PIK3CB: variants seen among roughly 807,000 people sequenced by gnomAD.
The protein encoded by PIK3CB is phosphatidylinositol 4,5-bisphosphate 3-kinase catalytic subunit beta isoform.
In PIK3CB, 39 loss-of-function variants were observed where a neutral mutation model predicts 136.8. The ratio of observed to expected loss-of-function variants is 0.29; its 90% CI spans 0.22 to 0.37. The LOEUF (loss-of-function observed/expected upper bound fraction) is 0.37, where lower values mean the gene tolerates loss of function less well. PIK3CB is among the 10% of genes least tolerant of loss of function. PIK3CB has a pLI of 1.00. For synonymous variants in PIK3CB, 428 were observed against 436.6 expected, an observed-to-expected ratio of 0.98 and a Z score of 0.25; for missense variants, 868 against 1,275.4, an observed-to-expected ratio of 0.68 and a Z score of 4.87.
intron 2 of PIK3CB, among the ~76,000 whole-genome samples, chr3:138,769,880 T>C (rs888540100): frequency 1.2e-4 from 18 of 152,172 alleles, no homozygotes; most frequent in African/African-American, 3.9e-4. Context: ...ACCCTACCCA[T>C]TTTAAAGATA....
chr3:138,758,712 G>GA (rs1182452596), intron 3 of PIK3CB, among the ~76,000 whole-genome samples: 2 of 152,088 alleles, frequency 1.3e-5, no homozygotes, highest in Non-Finnish European at 2.9e-5. Context: ...ACATTAGAAA[G>GA]AAAGTTTAGA....
At chr3:138,690,441 C>A (rs2043983938) in intron 15 of PIK3CB, among the ~76,000 whole-genome samples, 1 of 151,780 alleles carries the variant, frequency 6.6e-6, no homozygotes. Flanking sequence ...AACTTTAGTT[C>A]TCATTCCTGA....
intron 7 of PIK3CB, 21 bp from the exon 8 acceptor site, chr3:138,733,459 TACAAA>T: frequency 5.0e-6 from 6 of 1,199,284 alleles, no homozygotes; most frequent in Non-Finnish European, 7.3e-6. Context: ...ATAAAATAAA[TACAAA>T]TTATTTTAAT....
chr3:138,790,097 A>T (rs1364163108), intron 2 of PIK3CB, among the ~76,000 whole-genome samples: 1 of 152,222 alleles, frequency 6.6e-6, no homozygotes, highest in Non-Finnish European at 1.5e-5. Flanking sequence ...CAAATATTGT[A>T]TGATTCCAAT....
At chr3:138,695,682 C>T (rs778156312) in intron 13 of PIK3CB, among the ~76,000 whole-genome samples, 73 of 151,854 alleles carry the variant, frequency 4.8e-4, no homozygotes, top group African/African-American at 1.1e-3. Flanking sequence ...AATATTTTTG[C>T]GAAAACAATA....
intron 8 of PIK3CB, among the ~76,000 whole-genome samples, chr3:138,726,886 CA>C (rs35003110): frequency 0.59 from 82,174 of 139,292 alleles, 23,574 homozygotes; most frequent in East Asian, 0.98. Flanking sequence ...TATAAAAAGT[CA>C]AAAAAAAAAA....
At chr3:138,696,605 T>C (rs887103951) in intron 13 of PIK3CB, among the ~76,000 whole-genome samples, 3 of 152,304 alleles carry the variant, frequency 2.0e-5, no homozygotes, top group Middle Eastern at 3.4e-3. Context: ...AGATGTACCA[T>C]GTATCTACGG....
chr3:138,736,105 G>A (rs983822236), intron 6 of PIK3CB, among the ~76,000 whole-genome samples: 2 of 152,116 alleles, frequency 1.3e-5, no homozygotes, highest in African/African-American at 2.4e-5. Flanking sequence ...AAAAAGAAAT[G>A]TTAAATTAAA....
intron 1 of PIK3CB, among the ~76,000 whole-genome samples, chr3:138,800,238 A>G (rs1559883471): frequency 6.6e-6 from 1 of 152,160 alleles, no homozygotes; most frequent in Non-Finnish European, 1.5e-5. Context: ...TATCATCTTT[A>G]TAACATTTAT....
At chr3:138,786,879 AAC>A (rs2045986893) in intron 2 of PIK3CB, among the ~76,000 whole-genome samples, 1 of 152,196 alleles carries the variant, frequency 6.6e-6, no homozygotes, top group African/African-American at 2.4e-5. Flanking sequence ...CAGCAAAGAA[AAC>A]AGTTTTGAAA....
intron 2 of PIK3CB, among the ~76,000 whole-genome samples, chr3:138,771,216 AT>A (rs1470388535): frequency 1.3e-4 from 17 of 133,040 alleles, no homozygotes; most frequent in Admixed American, 1.2e-3. Flanking sequence ...ATAGAACTTC[AT>A]TTTGCCTTTT....
chr3:138,701,508 C>T (rs572842705), intron 12 of PIK3CB, among the ~76,000 whole-genome samples: 7 of 152,014 alleles, frequency 4.6e-5, no homozygotes, highest in East Asian at 1.9e-4. Context: ...ATGATGTGGC[C>T]GGGCGTGGTG....
intron 19 of PIK3CB, 119 bp from the exon 20 acceptor site, chr3:138,665,322 C>T: frequency 4.6e-6 from 3 of 647,172 alleles, no homozygotes; most frequent in Non-Finnish European, 7.3e-6. Flanking sequence ...CTTGCCATTA[C>T]TATATTATTG....
intron 13 of PIK3CB, among the ~76,000 whole-genome samples, 194 bp downstream of exon 13, chr3:138,698,713 C>T (rs1375472646): frequency 6.6e-6 from 1 of 152,140 alleles, no homozygotes; most frequent in East Asian, 1.9e-4. Flanking sequence ...GGCAATCCTA[C>T]CCAAAATCTG....
At chr3:138,805,011 C>A (rs759367808) in intron 1 of PIK3CB, among the ~76,000 whole-genome samples, 65 of 149,894 alleles carry the variant, frequency 4.3e-4, no homozygotes, top group Non-Finnish European at 8.3e-4. Context: ...GGTGACACAG[C>A]GAGACTCCAT....
chr3:138,673,208 T>G (rs1180081450), intron 19 of PIK3CB, among the ~76,000 whole-genome samples: 1 of 151,942 alleles, frequency 6.6e-6, no homozygotes, highest in Non-Finnish European at 1.5e-5. Flanking sequence ...ATAAATCTAC[T>G]AGAGCTGCAG....
At chr3:138,754,811 G>C (rs1194447929) in intron 4 of PIK3CB, among the ~76,000 whole-genome samples, 3 of 152,134 alleles carry the variant, frequency 2.0e-5, no homozygotes, top group Non-Finnish European at 4.4e-5. Flanking sequence ...TCCTATAACA[G>C]TGAATCTGAT....
At chr3:138,657,608 T>C (rs1479588814) in intron 22 of PIK3CB, 82 bp downstream of exon 22, 3 of 1,215,846 alleles carry the variant, frequency 2.5e-6, no homozygotes, top group African/African-American at 1.5e-5. Flanking sequence ...TCCAAATATA[T>C]CTCAGCTAAG....
At chr3:138,700,692 A>AAGATAGATAGATAGAT (rs56054471) in intron 12 of PIK3CB, among the ~76,000 whole-genome samples, 5 of 143,876 alleles carry the variant, frequency 3.5e-5, no homozygotes, top group East Asian at 2.1e-4. Context: ...TGACTCTAAA[A>AAGATAGATAGATAGAT]AGATAGATAG....
Sources: gnomAD v4.1 joint callset for allele counts (sites outside exome capture counted in the v4.1 genomes callset) on GRCh38, gnomAD v4.1.1 for gene constraint, MANE v1.5 for transcripts, NCBI Gene and HGNC (gene_info 2026-07-23, HGNC 2026-07-21) for gene names.